ASB5: variants seen among roughly 807,000 people sequenced by gnomAD.
ASB5 encodes the protein ankyrin repeat and SOCS box protein 5.
Under a neutral mutation model 42.1 loss-of-function variants are expected in ASB5, and 45 were observed. The ratio of observed to expected loss-of-function variants is 1.07; its 90% CI spans 0.84 to 1.37. The LOEUF is 1.37. ASB5 is among the 40% of genes most tolerant of loss of function. ASB5 has a pLI of 0.00. For missense variants in ASB5, 402 were observed against 399.8 expected, an observed-to-expected ratio of 1.01 and a Z score of -0.05; for synonymous variants, 147 against 150.6, an observed-to-expected ratio of 0.98 and a Z score of 0.18.
intron 1 of ASB5, among the ~76,000 whole-genome samples, chr4:176,238,822 T>A (rs1753750038): frequency 6.6e-6 from 1 of 152,358 alleles, no homozygotes; most frequent in Non-Finnish European, 1.5e-5. Context: ...CATATTACAC[T>A]GCCAGTGTTT....
At chr4:176,246,688 A>G (rs115657349) in intron 1 of ASB5, among the ~76,000 whole-genome samples, 1,951 of 152,364 alleles carry the variant, frequency 0.013, 50 homozygotes, top group African/African-American at 0.045. Context: ...TACTTCCTTA[A>G]GAATGGTAAG....
intron 1 of ASB5, among the ~76,000 whole-genome samples, chr4:176,262,066 A>G (rs1257942511): frequency 6.6e-6 from 1 of 152,074 alleles, no homozygotes; most frequent in Admixed American, 6.6e-5. Flanking sequence ...ATTCAAAGCT[A>G]TAGCAGTTAT....
intron 1 of ASB5, among the ~76,000 whole-genome samples, chr4:176,254,935 G>C (rs1354109361): frequency 1.3e-5 from 2 of 152,082 alleles, no homozygotes; most frequent in Non-Finnish European, 2.9e-5. Flanking sequence ...TTTGAGACCA[G>C]CCTGACCAAC....
chr4:176,269,060 C>T lies in ASB5; in HGVS notation c.49G>A (p.Val17Ile). 1 of 1,612,396 alleles carries T rather than the reference C, an allele frequency of 6.2e-7. No individual in the cohort carries two copies. The highest frequency in any genetic ancestry group is 8.5e-7 in the Non-Finnish European group (1 of 1,179,174). The change falls in exon 1 of 7, where the codon GTC becomes ATC. Residue 17 changes from valine to isoleucine, a missense_variant. Coordinates refer to ENST00000296525, the MANE Select transcript of ASB5 (RefSeq NM_080874.4). ...AACAGCGAAAGTATTGTAAAGTAGACATTGGATAATTGTTGAGCAAACGGC... is the reference window on the plus strand; with the variant it reads ...AACAGCGAAAGTATTGTAAAGTAGATATTGGATAATTGTTGAGCAAACGGC... The part of the protein sequence containing the change: ...NRPFAQQLSN[V>I]YFTILSLFCF...
intron 1 of ASB5, among the ~76,000 whole-genome samples, chr4:176,236,831 T>C (rs1293423207): frequency 2.6e-5 from 4 of 152,224 alleles, no homozygotes; most frequent in Non-Finnish European, 5.9e-5. Flanking sequence ...CATTCTCCTT[T>C]CTATCTTTCA....
At chr4:176,275,552 A>G (rs879370439) in intron 2 of ASB5, among the ~76,000 whole-genome samples, 13 of 152,324 alleles carry the variant, frequency 8.5e-5, no homozygotes, top group Middle Eastern at 3.4e-3. Flanking sequence ...CAGTTTACAC[A>G]GTCAACTTAG....
chr4:176,267,119 A>G (rs1412012471), intron 1 of ASB5, among the ~76,000 whole-genome samples: 1 of 152,206 alleles, frequency 6.6e-6, no homozygotes, highest in Non-Finnish European at 1.5e-5. Flanking sequence ...ATACATAGAC[A>G]AGATCTGATT....
At chr4:176,244,601 C>T (rs114555873) in intron 1 of ASB5, among the ~76,000 whole-genome samples, 1,761 of 152,236 alleles carry the variant, frequency 0.012, 27 homozygotes, top group African/African-American at 0.041. Context: ...AAACTGTAAA[C>T]AGTCACTTGA....
intron 5 of ASB5, among the ~76,000 whole-genome samples, chr4:176,220,385 G>A (rs7659574): frequency 0.38 from 57,825 of 151,964 alleles, 11,288 homozygotes; most frequent in Non-Finnish European, 0.43. Context: ...ATCAGGGATC[G>A]AATGATTCTC....
At chr4:176,268,110 GA>G (rs34390421) in intron 1 of ASB5, among the ~76,000 whole-genome samples, 27,079 of 152,096 alleles carry the variant, frequency 0.18, 3,160 homozygotes, top group Middle Eastern at 0.32. Flanking sequence ...AAGACTATGA[GA>G]ATTTAAAAAT....
chr4:176,261,959 C>A (rs1223879760), intron 1 of ASB5, among the ~76,000 whole-genome samples: 1 of 150,816 alleles, frequency 6.6e-6, no homozygotes, highest in Non-Finnish European at 1.5e-5. Flanking sequence ...TTATTAAATA[C>A]TATATATATT....
chr4:176,222,460 T>C (rs752472389), intron 2 of ASB5, 40 bp from the exon 3 acceptor site: 2 of 1,513,614 alleles, frequency 1.3e-6, no homozygotes, highest in East Asian at 2.3e-5. Context: ...CAAAGAGTTA[T>C]ATACTTAAAA....
intron 5 of ASB5, among the ~76,000 whole-genome samples, chr4:176,219,373 GTATGATAT>G (rs1260253873): frequency 0.041 from 3,388 of 83,258 alleles, 1 homozygote; most frequent in East Asian, 0.048. Flanking sequence ...ATATATATTT[GTATGATAT>G]ATAAATATAT....
chr4:176,219,963 GGAA>G (rs949681180), intron 5 of ASB5, among the ~76,000 whole-genome samples: 16 of 152,142 alleles, frequency 1.1e-4, no homozygotes, highest in Admixed American at 8.5e-4. Flanking sequence ...TGGCCACACT[GGAA>G]GAAGAAGAAT....
intron 2 of ASB5, among the ~76,000 whole-genome samples, chr4:176,223,780 T>C (rs938771255): frequency 6.6e-6 from 1 of 152,164 alleles, no homozygotes; most frequent in Non-Finnish European, 1.5e-5. Flanking sequence ...CCCTTTCACA[T>C]CGGGCTCTGG....
At chr4:176,230,027 C>G (rs73007159) in intron 1 of ASB5, among the ~76,000 whole-genome samples, 2,458 of 152,230 alleles carry the variant, frequency 0.016, 68 homozygotes, top group African/African-American at 0.055. Context: ...TGGATTGGCA[C>G]CCCAGCTCAG....
At chr4:176,217,834 T>C (rs1753015788) in intron 5 of ASB5, among the ~76,000 whole-genome samples, 1 of 151,996 alleles carries the variant, frequency 6.6e-6, no homozygotes, top group Admixed American at 6.6e-5. Context: ...CCAATAAAAA[T>C]GCATAAGTTC....
At chr4:176,247,826 C>T (rs1235987019) in intron 1 of ASB5, among the ~76,000 whole-genome samples, 1 of 152,106 alleles carries the variant, frequency 6.6e-6, no homozygotes, top group Non-Finnish European at 1.5e-5. Context: ...AGTTTCTGTT[C>T]ACCAGTAGAA....
chr4:176,274,909 ATTTTTTTT>A (rs35690692), intron 2 of ASB5, among the ~76,000 whole-genome samples: 1 of 106,304 alleles, frequency 9.4e-6, no homozygotes, highest in African/African-American at 3.7e-5. Flanking sequence ...CAGCATAGCA[ATTTTTTTT>A]TTTTTTTTTT....
Sources: allele counts gnomAD v4.1 joint callset (sites outside exome capture counted in the v4.1 genomes callset), GRCh38; gene constraint gnomAD v4.1.1; transcripts MANE v1.5; gene names NCBI Gene and HGNC (gene_info 2026-07-23, HGNC 2026-07-21).